ATRAID: variants seen among roughly 807,000 people sequenced by gnomAD.
The protein encoded by ATRAID is all-trans retinoic acid induced differentiation factor.
ATRAID carries 26 observed loss-of-function variants against 28.8 expected under a neutral mutation model. The observed-to-expected ratio is 0.90, with a 90% CI of 0.66 to 1.25. The LOEUF (loss-of-function observed/expected upper bound fraction) is 1.25, where lower values mean the gene tolerates loss of function less well. Among genes scored for constraint, ATRAID ranks in the 50% most tolerant of loss-of-function variants. The pLI, the probability that ATRAID is intolerant of heterozygous loss-of-function variation, is 0.00. For synonymous variants in ATRAID, 131 were observed against 108.5 expected (o/e 1.21, Z -1.29); for missense variants, 308 against 285.9 (o/e 1.08, Z -0.56).
Position 27,213,318 on chromosome 2 carries a change from A to G in ATRAID, c.221+20A>G. ...CTTGGGGTGAGGGGAAGACATCCCT[A>G]GATGCTGGATACAGGCCATTCCTTA... is the stretch of plus-strand genomic sequence containing the variant. On this transcript the variant is annotated intron_variant, in intron 2 of 6. Transcript: ENST00000380171. 5 of 1,611,318 alleles carry G rather than the reference A, an allele frequency of 3.1e-6. No individual in the cohort carries two copies. Among genetic ancestry groups the G allele is most frequent in the Non-Finnish European group, 4.2e-6 (5 of 1,177,802 alleles).
chr2:27,215,212 C>A, intron 2 of ATRAID, 109 bp from the exon 3 acceptor site: 1 of 1,081,208 alleles, frequency 9.2e-7, no homozygotes. Context: ...CTGAACACAG[C>A]TGTGTTCAAT....
At chr2:27,212,720 C>T (rs988694419) in intron 1 of ATRAID, 11 of 1,188,668 alleles carry the variant, frequency 9.3e-6, no homozygotes, top group African/African-American at 1.6e-5. Flanking sequence ...ACTTTAAGTT[C>T]TTTCTACAGA....
rs369868002 is a variant in ATRAID at position 27,212,324 on chromosome 2, G to A, written c.-45G>A. 5.8e-6 allele frequency: 9 copies of A among 1,549,242 alleles called. No homozygotes were observed. The highest frequency in any genetic ancestry group is 6.1e-6 in the Non-Finnish European group (7 of 1,146,170). On this transcript the variant is annotated 5_prime_UTR_variant, in exon 1 of 7. Transcript: ENST00000380171. ...GCCTGACGCGCTGCGGGGCGGGGCC[G>A]CGGGGCCGGGTCGCGCGAGCAGCGG...
At chr2:27,213,061 T>C (rs1480041069) in intron 1 of ATRAID, 116 bp from the exon 2 acceptor site, 8 of 1,319,142 alleles carry the variant, frequency 6.1e-6, no homozygotes, top group Non-Finnish European at 8.4e-6. Context: ...TATCCATTTA[T>C]CGGCCCCGTG....
rs186486115 is a variant in ATRAID at position 27,215,298 on chromosome 2, T to C, written c.222-23T>C. 5.7e-3 allele frequency: 9,123 copies of C among 1,610,824 alleles called. 43 individuals carry two copies. Among genetic ancestry groups the C allele is most frequent in the Non-Finnish European group, 7.2e-3 (8,417 of 1,177,000 alleles). ...GAAGAAAAAGAGGAACACACAGTTA[T>C]ATTGATTACTTTATTTCCTCAGGCT... On this transcript the variant is annotated intron_variant, in intron 2 of 6. Coordinates refer to ENST00000380171, the MANE Select transcript of ATRAID (RefSeq NM_001170795.4).
Position 27,212,127 on chromosome 2 carries a change from G to T in ATRAID, c.-242G>T. ...TGCAGTCGGCTCCGGGAAGCCGCGC[G>T]GCGACGGGGGAGGCCTTCACTAAAG... On this transcript the variant is annotated 5_prime_UTR_variant, in exon 1 of 7. Coordinates refer to ENST00000380171, the MANE Select transcript of ATRAID (RefSeq NM_001170795.4). 1 of 1,504,478 alleles carries T rather than the reference G, an allele frequency of 6.6e-7. No homozygotes were observed. The highest frequency in any genetic ancestry group is 1.4e-5 in the African/African-American group (1 of 68,978). The allele number at this position is 1,504,478 out of a possible 1,614,324, so 93.2% of individuals were successfully genotyped here.
intron 2 of ATRAID, 189 bp downstream of exon 2, chr2:27,213,487 C>T: frequency 1.8e-6 from 1 of 560,866 alleles, no homozygotes; most frequent in Non-Finnish European, 2.8e-6. Context: ...ATACGGGTAC[C>T]TCTAGCTTCC....
At chr2:27,213,142 T>C (rs763859906) in intron 1 of ATRAID, 35 bp from the exon 2 acceptor site, 1 of 1,596,068 alleles carries the variant, frequency 6.3e-7, no homozygotes, top group Non-Finnish European at 8.6e-7. Flanking sequence ...TTGGCTTTTC[T>C]TTCTGGAGTT....
Position 27,216,852 on chromosome 2 carries a change from C to G in ATRAID, c.594C>G (p.Phe198Leu), listed in dbSNP as rs765164079. ...HGYKCMRQGSFSLLMFFGILG... is the reference protein window; with the variant it reads ...HGYKCMRQGSLSLLMFFGILG... ...TGGTCTGTTGTTCACAGGGCTCGTT[C>G]TCACTGCTTATGTTCTTCGGGATTC... Residue 198 changes from phenylalanine to leucine, a missense_variant, in exon 7 of 7, where the codon TTC (phenylalanine) becomes TTG (leucine). Coordinates refer to ENST00000380171, the MANE Select transcript of ATRAID (RefSeq NM_001170795.4). The G allele has an allele frequency of 3.4e-5, 55 of 1,613,876 alleles. No individual in the cohort carries two copies. The highest frequency in any genetic ancestry group is 4.6e-5 in the Non-Finnish European group (54 of 1,179,880).
At chr2:27,215,276 G>C (rs1674776401) in intron 2 of ATRAID, 45 bp from the exon 3 acceptor site, 1 of 1,591,706 alleles carries the variant, frequency 6.3e-7, no homozygotes, top group Admixed American at 1.7e-5. Flanking sequence ...CGTGGCTGAA[G>C]AAAAAGAGGA....
rs776777155 is a variant in ATRAID at position 27,212,292 on chromosome 2, G to C, written c.-77G>C. 1 of 1,552,706 alleles carries C rather than the reference G, an allele frequency of 6.4e-7. No individual in the cohort carries two copies. Among genetic ancestry groups the C allele is most frequent in the South Asian group, 1.2e-5 (1 of 84,220 alleles). On this transcript the variant is annotated 5_prime_UTR_variant, in exon 1 of 7. Transcript: ENST00000380171. ...CCGGGCCGCTTAGGCCACGCCCGGG[G>C]AAGAGGGCCTGACGCGCTGCGGGGC...
Position 27,212,411 on chromosome 2 carries a change from T to G in ATRAID, c.43T>G (p.Trp15Gly). 3 of 1,553,122 alleles carry G rather than the reference T, an allele frequency of 1.9e-6. No homozygotes were observed. Among genetic ancestry groups the G allele is most frequent in the Non-Finnish European group, 2.6e-6 (3 of 1,148,654 alleles). Residue 15 changes from tryptophan (W) to glycine (G), a missense_variant, in exon 1 of 7, where the codon TGG (tryptophan) becomes GGG (glycine). Trp to Gly is a radical substitution (Grantham distance 184, BLOSUM62 -2). Transcript: ENST00000380171. ...GGGTAGTCTTACGACCCTGGTGCCC[T>G]GGGCTGCCGCCCTGCTCCTCGCTCT... ...DPGSLTTLVP[W>G]AAALLLALGV...
intron 5 of ATRAID, 66 bp downstream of exon 5, chr2:27,215,819 C>G (rs1674803264): frequency 6.3e-7 from 1 of 1,576,402 alleles, no homozygotes; most frequent in Non-Finnish European, 8.6e-7. Context: ...CACTTTAGAT[C>G]AGAAAGACAA....
Position 27,213,085 on chromosome 2 carries a change from G to A in ATRAID, c.100-92G>A, listed in dbSNP as rs954134662. ...ATCGGCCCCGTGTTAGAGGAATTCT[G>A]GAAACGTGTACTGGCAGTTAATTCT... On this transcript the variant is annotated intron_variant, in intron 1 of 6. Transcript: ENST00000380171. The A allele has an allele frequency of 3.3e-6, 5 of 1,507,116 alleles. No individual in the cohort carries two copies. In the Admixed American group the frequency reaches 5.5e-5, roughly 17 times the overall value. 93.4% of individuals were successfully genotyped at this position (1,507,116 alleles called of 1,614,324 possible).
intron 3 of ATRAID, 39 bp from the exon 4 acceptor site, chr2:27,215,435 T>G: frequency 6.2e-7 from 1 of 1,614,074 alleles, no homozygotes; most frequent in Non-Finnish European, 8.5e-7. Context: ...TAATATAATG[T>G]AGGTTGATGC....
In ATRAID at chr2:27,212,420, G is replaced by A; in HGVS notation, c.52G>A (p.Ala18Thr). The change falls in exon 1 of 7, where the codon GCC becomes ACC. Residue 18 changes from alanine (A) to threonine (T), a missense_variant. Ala to Thr is a moderately conservative substitution (Grantham distance 58). Coordinates refer to ENST00000380171, the MANE Select transcript of ATRAID (RefSeq NM_001170795.4). ...SLTTLVPWAA[A>T]LLLALGVERA... ...TACGACCCTGGTGCCCTGGGCTGCC[G>A]CCCTGCTCCTCGCTCTGGGCGTGGA... 6.4e-7 allele frequency: 1 copy of A among 1,555,140 alleles called. No individual in the cohort carries two copies. The highest frequency in any genetic ancestry group is 1.7e-4 in the Middle Eastern group (1 of 5,976).
In ATRAID at chr2:27,212,068, G is replaced by T. The variant is rs1393022800; in HGVS notation, c.-301G>T. On this transcript the variant is annotated 5_prime_UTR_variant, in exon 1 of 7. Coordinates refer to ENST00000380171, the MANE Select transcript of ATRAID (RefSeq NM_001170795.4). ...GTTTCTGCGAAGCCGCGACCTCGGC[G>T]TCCGGACGCGGGGAACACCGGGCTG... 1.6e-6 allele frequency: 2 copies of T among 1,220,468 alleles called. No homozygotes were observed. Among genetic ancestry groups the T allele is most frequent in the Admixed American group, 3.6e-5 (1 of 28,038 alleles). The allele number at this position is 1,220,468 out of a possible 1,614,324, so 75.6% of individuals were successfully genotyped here. A position where few individuals can be genotyped will look rare whatever the true frequency, so the allele number is the denominator to read the frequency against.
chr2:27,214,680 C>T (rs1189835717), intron 2 of ATRAID, among the ~76,000 whole-genome samples: 2 of 152,102 alleles, frequency 1.3e-5, no homozygotes, highest in East Asian at 1.9e-4. Context: ...GGTGAAACCC[C>T]GTCTCTACTA....
chr2:27,213,314 C>G lies in ATRAID; in HGVS notation c.221+16C>G. ...CCATCTTGGGGTGAGGGGAAGACAT[C>G]CCTAGATGCTGGATACAGGCCATTC... On this transcript the variant is annotated intron_variant, in intron 2 of 6. Coordinates refer to ENST00000380171, the MANE Select transcript of ATRAID (RefSeq NM_001170795.4). 2 of 1,611,336 alleles carry G rather than the reference C, an allele frequency of 1.2e-6. No homozygotes were observed. The highest frequency in any genetic ancestry group is 1.7e-6 in the Non-Finnish European group (2 of 1,177,822).
Sources: gnomAD v4.1 joint callset for allele counts (sites outside exome capture counted in the v4.1 genomes callset) on GRCh38, gnomAD v4.1.1 for gene constraint, MANE v1.5 for transcripts, NCBI Gene and HGNC (gene_info 2026-07-23, HGNC 2026-07-21) for gene names.